Variants in CHLSN observed in about 807,000 individuals in gnomAD.
CHLSN encodes cholesin, also known as protein cholesin.
chr7:1,083,475 A>G, the CHLSN span, among the ~76,000 whole-genome samples: 829 of 152,082 alleles, frequency 5.5e-3, 8 homozygotes, highest in African/African-American at 0.019. Flanking sequence ...AAAAATACAA[A>G]AAATTAGCCG....
the CHLSN span, chr7:984,363 G>GC: frequency 6.5e-7 from 1 of 1,536,330 alleles, no homozygotes; most frequent in South Asian, 1.2e-5. Context: ...GACCTAAGGG[G>GC]GGTCTTGTGG....
At chr7:1,031,061 A>G in the CHLSN span, among the ~76,000 whole-genome samples, 2 of 152,182 alleles carry the variant, frequency 1.3e-5, no homozygotes, top group East Asian at 3.9e-4. Context: ...AGTGGTCCAC[A>G]CTGAGACCCT....
the CHLSN span, among the ~76,000 whole-genome samples, chr7:990,996 C>T: frequency 2.6e-5 from 4 of 151,728 alleles, no homozygotes; most frequent in African/African-American, 4.8e-5. Flanking sequence ...CCAACTTAGT[C>T]GGCCTCCTGG....
At chr7:1,018,846 G>A in the CHLSN span, among the ~76,000 whole-genome samples, 289 of 152,156 alleles carry the variant, frequency 1.9e-3, 1 homozygote, top group African/African-American at 6.7e-3. Flanking sequence ...TGATAGGCTC[G>A]TCCAGCTGGT....
At chr7:1,022,246 C>T in the CHLSN span, among the ~76,000 whole-genome samples, 1 of 152,198 alleles carries the variant, frequency 6.6e-6, no homozygotes, top group Non-Finnish European at 1.5e-5. Context: ...GGCATGTCCC[C>T]ACCCACGGGC....
the CHLSN span, among the ~76,000 whole-genome samples, chr7:1,094,067 G>T: frequency 6.6e-6 from 1 of 152,254 alleles, no homozygotes; most frequent in Non-Finnish European, 1.5e-5. Flanking sequence ...GTAGGAGGCA[G>T]GGCTCAGCCT....
At chr7:1,073,060 G>A in the CHLSN span, among the ~76,000 whole-genome samples, 11 of 152,098 alleles carry the variant, frequency 7.2e-5, no homozygotes, top group African/African-American at 2.7e-4. Flanking sequence ...TTGTTACAAC[G>A]TTCCCTTACT....
At chr7:1,136,307 A>T in the CHLSN span, among the ~76,000 whole-genome samples, 4 of 118,232 alleles carry the variant, frequency 3.4e-5, no homozygotes, top group African/African-American at 1.4e-4. Context: ...AACATATATA[A>T]ATATATATAA....
chr7:992,672 C>G, the CHLSN span, among the ~76,000 whole-genome samples: 1 of 152,250 alleles, frequency 6.6e-6, no homozygotes, highest in South Asian at 2.1e-4. Context: ...AAGCCGGCCT[C>G]ACTCTGGGAC....
the CHLSN span, among the ~76,000 whole-genome samples, chr7:1,035,569 C>T: frequency 6.6e-6 from 1 of 152,192 alleles, no homozygotes. Context: ...CGTGAGGGAG[C>T]GCCCATGAAA....
chr7:1,005,320 G>A, the CHLSN span, among the ~76,000 whole-genome samples: 1 of 152,134 alleles, frequency 6.6e-6, no homozygotes, highest in Non-Finnish European at 1.5e-5. Flanking sequence ...CAAAAAGCGG[G>A]GACTTCTTGC....
the CHLSN span, among the ~76,000 whole-genome samples, chr7:1,013,950 AG>A: frequency 6.6e-6 from 1 of 152,242 alleles, no homozygotes; most frequent in African/African-American, 2.4e-5. Context: ...GTGCATGAAA[AG>A]CTTTACGCAG....
At chr7:981,651 T>G in the CHLSN span, among the ~76,000 whole-genome samples, 1 of 148,942 alleles carries the variant, frequency 6.7e-6, no homozygotes, top group African/African-American at 2.5e-5. Flanking sequence ...GAGGCGGAGG[T>G]TGCAGTGAGC....
At chr7:1,127,535 C>T in the CHLSN span, 1 of 788,086 alleles carries the variant, frequency 1.3e-6, no homozygotes, top group Non-Finnish European at 1.9e-6. Flanking sequence ...TAAACTCAAA[C>T]TCCCACATTT....
the CHLSN span, among the ~76,000 whole-genome samples, chr7:1,136,607 T>TATAAAC: frequency 7.3e-6 from 1 of 136,846 alleles, no homozygotes; most frequent in African/African-American, 2.8e-5. Context: ...CATATATAAA[T>TATAAAC]ATATATAAAT....
chr7:997,499 A>T, the CHLSN span: 2 of 774,822 alleles, frequency 2.6e-6, no homozygotes, highest in Non-Finnish European at 3.8e-6. Context: ...CCACCGGAGG[A>T]GCTGAAAGCC....
At chr7:1,012,594 G>A in the CHLSN span, among the ~76,000 whole-genome samples, 2 of 152,250 alleles carry the variant, frequency 1.3e-5, no homozygotes, top group Admixed American at 6.5e-5. Flanking sequence ...GTGTCCCCGA[G>A]GGAGCCACTG....
the CHLSN span, chr7:1,137,702 G>A: frequency 6.6e-6 from 1 of 152,198 alleles, no homozygotes; most frequent in African/African-American, 2.4e-5. Context: ...CAGCTACTTG[G>A]GAGGATGAGG....
At chr7:1,109,927 C>T in the CHLSN span, among the ~76,000 whole-genome samples, 1 of 152,346 alleles carries the variant, frequency 6.6e-6, no homozygotes, top group South Asian at 2.1e-4. Flanking sequence ...CCTCCGCTCT[C>T]TCCACAAATG....
Sources: gnomAD v4.1 joint callset for allele counts (sites outside exome capture counted in the v4.1 genomes callset) on GRCh38, gnomAD v4.1.1 for gene constraint, MANE v1.5 for transcripts, NCBI Gene and HGNC (gene_info 2026-07-23, HGNC 2026-07-21) for gene names.